The following TTC28 variants were observed in gnomAD, a reference collection of about 807,000 sequenced individuals.
TTC28 encodes the protein tetratricopeptide repeat domain 28, also known as tetratricopeptide repeat protein 28.
A neutral mutation model predicts 198.0 loss-of-function variants in TTC28; 61 were observed. The observed-to-expected ratio is 0.31, with a 90% CI of 0.25 to 0.38. The LOEUF (loss-of-function observed/expected upper bound fraction) is 0.38, where lower values mean the gene tolerates loss of function less well. Among genes scored for constraint, TTC28 ranks in the 10% least tolerant of loss-of-function variants. The pLI, the probability that TTC28 is intolerant of heterozygous loss-of-function variation, is 1.00. For synonymous variants in TTC28, 1,171 were observed against 1,297.8 expected, an observed-to-expected ratio of 0.90 and a Z score of 2.10; for missense variants, 2,678 against 3,164.0, an observed-to-expected ratio of 0.85 and a Z score of 3.69.
At chr22:28,102,558 T>C (rs1414815327) in intron 8 of TTC28, among the ~76,000 whole-genome samples, 1 of 152,164 alleles carries the variant, frequency 6.6e-6, no homozygotes, top group Non-Finnish European at 1.5e-5. Flanking sequence ...TCACTGTACA[T>C]AGAAGCTAGC....
chr22:28,166,915 G>A (rs929127155), intron 5 of TTC28, among the ~76,000 whole-genome samples: 1 of 151,908 alleles, frequency 6.6e-6, no homozygotes, highest in Non-Finnish European at 1.5e-5. Flanking sequence ...CAAAATTGAT[G>A]GACTGCTAGA....
Position 28,208,266 on chromosome 22 carries a change from C to T in TTC28, c.934-44667G>A, listed in dbSNP as rs1221226425. 5.3e-5 allele frequency among the ~76,000 whole-genome samples: 8 copies of T among 152,158 alleles called. 1 individual carries two copies. The highest frequency in any genetic ancestry group is 1.0e-4 in the Non-Finnish European group (7 of 68,030). ...TAGTATTAGTCAAGCCTAATGGTGC[C>T]TTGCTGTGGTTCAGACCTCATTATC... On this transcript the variant is annotated intron_variant, in intron 5 of 22. Transcript: ENST00000397906.
At chr22:28,604,216 T>TA (rs1275686571) in intron 2 of TTC28, among the ~76,000 whole-genome samples, 1 of 149,398 alleles carries the variant, frequency 6.7e-6, no homozygotes, top group Non-Finnish European at 1.5e-5. Context: ...AGGCAGATGT[T>TA]ACGGTGAGCA....
intron 5 of TTC28, among the ~76,000 whole-genome samples, chr22:28,234,792 T>C (rs1010484852): frequency 6.6e-6 from 1 of 152,158 alleles, no homozygotes; most frequent in Non-Finnish European, 1.5e-5. Context: ...AGAGGCATAC[T>C]AGGTAATTGG....
Position 28,052,944 on chromosome 22 carries a change from G to A in TTC28, c.3933-22578C>T, listed in dbSNP as rs542593891. 3.0e-4 allele frequency among the ~76,000 whole-genome samples: 46 copies of A among 152,346 alleles called. No homozygotes were observed. The South Asian group carries it at 7.0e-3, about 23-fold the overall frequency. Reference sequence around the variant, plus strand: ...AAATATATTATATGTCCTGTGCGACGTGAAAGGACCAGCCAGGCGCTGTGT... The same window carrying A: ...AAATATATTATATGTCCTGTGCGACATGAAAGGACCAGCCAGGCGCTGTGT... On this transcript the variant is annotated intron_variant, in intron 12 of 22. Transcript: ENST00000397906.
chr22:28,643,487 A>G (rs1192853001), intron 1 of TTC28, among the ~76,000 whole-genome samples: 1 of 152,250 alleles, frequency 6.6e-6, no homozygotes, highest in Non-Finnish European at 1.5e-5. Flanking sequence ...TGGGTCAATT[A>G]AGTGAATACT....
At chr22:28,493,603 T>C (rs1288012005) in intron 2 of TTC28, among the ~76,000 whole-genome samples, 1 of 152,140 alleles carries the variant, frequency 6.6e-6, no homozygotes, top group African/African-American at 2.4e-5. Context: ...AAATTAATTT[T>C]AGGATCTAGG....
intron 12 of TTC28, among the ~76,000 whole-genome samples, chr22:28,093,746 TA>T (rs1410466705): frequency 6.6e-6 from 1 of 152,170 alleles, no homozygotes; most frequent in Non-Finnish European, 1.5e-5. Context: ...AATTTGTTTA[TA>T]ACAAAAAATA....
intron 13 of TTC28, among the ~76,000 whole-genome samples, chr22:28,027,496 T>C (rs1335506953): frequency 1.3e-5 from 2 of 152,110 alleles, no homozygotes; most frequent in Non-Finnish European, 2.9e-5. Context: ...AGAGGCCTCA[T>C]TGCCAAATCA....
intron 2 of TTC28, among the ~76,000 whole-genome samples, chr22:28,552,672 C>A (rs1485870567): frequency 2.6e-5 from 4 of 152,072 alleles, no homozygotes; most frequent in Non-Finnish European, 5.9e-5. Context: ...AACTGTCAAG[C>A]CACAGGTAGA....
At chr22:28,113,064 G>T (rs1363356393) in intron 6 of TTC28, among the ~76,000 whole-genome samples, 3 of 152,206 alleles carry the variant, frequency 2.0e-5, no homozygotes, top group Admixed American at 2.0e-4. Flanking sequence ...GACATAGTAA[G>T]TGCTCAATAC....
intron 2 of TTC28, among the ~76,000 whole-genome samples, chr22:28,540,885 T>C (rs2049397317): frequency 6.6e-6 from 1 of 152,194 alleles, no homozygotes; most frequent in African/African-American, 2.4e-5. Context: ...CAGGTAAAAT[T>C]GAATCTTTCC....
Position 28,138,027 on chromosome 22 carries a change from A to T in TTC28, c.1441+25065T>A, listed in dbSNP as rs563260326. On this transcript the variant is annotated intron_variant, in intron 6 of 22. Transcript: ENST00000397906. Reference sequence around the variant, plus strand: ...CGAAACTCCGTTGTTGTTTTTTTTTAAAAAAAAGGAATATAGCCACTATGT... The same window carrying T: ...CGAAACTCCGTTGTTGTTTTTTTTTTAAAAAAAGGAATATAGCCACTATGT... 3.1e-3 allele frequency among the ~76,000 whole-genome samples: 463 copies of T among 148,800 alleles called. 2 individuals are homozygous for T. The highest frequency in any genetic ancestry group is 4.5e-3 in the Admixed American group (67 of 15,028).
intron 19 of TTC28, 118 bp from the exon 20 acceptor site, chr22:27,990,930 CCG>C: frequency 1.9e-6 from 2 of 1,035,536 alleles, no homozygotes; most frequent in South Asian, 3.2e-5. Context: ...CACACCAGGC[CCG>C]CGGCTCTGAC....
chr22:28,296,138 T>C, intron 5 of TTC28, 60 bp downstream of exon 5: 3 of 1,487,672 alleles, frequency 2.0e-6, no homozygotes, highest in South Asian at 2.7e-5. Flanking sequence ...TAACAGAAAA[T>C]AGAGCTCCAC....
intron 2 of TTC28, among the ~76,000 whole-genome samples, chr22:28,362,994 A>G (rs1248371620): frequency 6.6e-6 from 1 of 152,162 alleles, no homozygotes; most frequent in Non-Finnish European, 1.5e-5. Flanking sequence ...AACAACAAAA[A>G]ACACATTTTC....
intron 5 of TTC28, among the ~76,000 whole-genome samples, chr22:28,283,542 G>C (rs1001058052): frequency 3.9e-5 from 6 of 152,060 alleles, no homozygotes; most frequent in African/African-American, 1.4e-4. Flanking sequence ...AATCCAGAAG[G>C]CTCAATTTTC....
At chr22:28,484,086 AT>A (rs1046544809) in intron 2 of TTC28, among the ~76,000 whole-genome samples, 6 of 151,852 alleles carry the variant, frequency 4.0e-5, no homozygotes, top group African/African-American at 1.4e-4. Flanking sequence ...AGTTTTTTTT[AT>A]TTTTTTATTT....
chr22:27,992,559 C>T, intron 19 of TTC28, 28 bp downstream of exon 19: 1 of 1,549,882 alleles, frequency 6.5e-7, no homozygotes, highest in African/African-American at 1.4e-5. Flanking sequence ...GCCTCAGGCC[C>T]TGGCTCAGCC....
Sources: gnomAD v4.1 joint callset for allele counts (sites outside exome capture counted in the v4.1 genomes callset) on GRCh38, gnomAD v4.1.1 for gene constraint, MANE v1.5 for transcripts, NCBI Gene and HGNC (gene_info 2026-07-23, HGNC 2026-07-21) for gene names.